Variants in FSTL4 observed in about 807,000 individuals in gnomAD.
FSTL4 encodes follistatin-related protein 4.
FSTL4 carries 28 observed loss-of-function variants against 78.2 expected under a neutral mutation model. The observed-to-expected ratio is 0.36, with a 90% CI of 0.27 to 0.49. The LOEUF is 0.49. Ranked by LOEUF, FSTL4 falls within the 20% of genes least tolerant of loss-of-function variation. The probability of loss-of-function intolerance (pLI) is 0.98; values close to 1 mark genes in which losing one functional copy is unlikely to be tolerated. For missense variants in FSTL4, 922 were observed against 1,084.9 expected (o/e 0.85, Z 2.11); for synonymous variants, 422 against 440.5 (o/e 0.96, Z 0.53).
intron 6 of FSTL4, among the ~76,000 whole-genome samples, chr5:133,283,454 A>G (rs1753056479): frequency 6.6e-6 from 1 of 152,228 alleles, no homozygotes; most frequent in African/African-American, 2.4e-5. Flanking sequence ...GGAGTCTATT[A>G]CATGGTCCAG....
chr5:133,681,823 G>A, the FSTL4 span, among the ~76,000 whole-genome samples: 15 of 152,100 alleles, frequency 9.9e-5, no homozygotes, highest in Non-Finnish European at 7.3e-5. Flanking sequence ...CTCGTCCTTG[G>A]GTCCCTCTTG....
intron 4 of FSTL4, among the ~76,000 whole-genome samples, chr5:133,389,395 CAT>C (rs1755785031): frequency 6.6e-6 from 1 of 152,186 alleles, no homozygotes; most frequent in Non-Finnish European, 1.5e-5. Flanking sequence ...AACCAGCATT[CAT>C]GGCTAAACAG....
chr5:133,512,801 A>T (rs1252786672), intron 3 of FSTL4, among the ~76,000 whole-genome samples: 2 of 150,550 alleles, frequency 1.3e-5, no homozygotes, highest in Non-Finnish European at 3.0e-5. Flanking sequence ...GGTGATGCCC[A>T]GAGACTGGAT....
At chr5:133,223,849 A>G (rs1207165289) in intron 11 of FSTL4, among the ~76,000 whole-genome samples, 1 of 152,170 alleles carries the variant, frequency 6.6e-6, no homozygotes, top group Non-Finnish European at 1.5e-5. Flanking sequence ...GTCTTTTTAA[A>G]ACCACACAAG....
chr5:133,510,661 A>G (rs1304959491), intron 3 of FSTL4, among the ~76,000 whole-genome samples: 1 of 152,132 alleles, frequency 6.6e-6, no homozygotes, highest in Non-Finnish European at 1.5e-5. Context: ...GGGGAAAACA[A>G]AACATTTTAA....
chr5:133,572,784 A>C (rs558127698), intron 2 of FSTL4, among the ~76,000 whole-genome samples: 5 of 152,322 alleles, frequency 3.3e-5, no homozygotes, highest in South Asian at 4.2e-4. Flanking sequence ...GTACTGTCCC[A>C]AAAATGGCAA....
At chr5:133,398,932 G>T (rs1330286150) in intron 4 of FSTL4, among the ~76,000 whole-genome samples, 1 of 152,166 alleles carries the variant, frequency 6.6e-6, no homozygotes, top group African/African-American at 2.4e-5. Flanking sequence ...AGGATTCGGT[G>T]GATAAATTCA....
Position 133,225,595 on chromosome 5 carries a change from C to T in FSTL4, c.1177+63G>A, listed in dbSNP as rs1451211508. The T allele has an allele frequency of 8.6e-6, 12 of 1,397,066 alleles. No homozygotes were observed. The highest frequency in any genetic ancestry group is 1.9e-4 in the Middle Eastern group (1 of 5,362). 86.5% of individuals were successfully genotyped at this position (1,397,066 alleles called of 1,614,324 possible). On this transcript the variant is annotated intron_variant, in intron 9 of 15. Transcript: ENST00000265342. This position sits in a 1 kb window ranked among gnomAD's most constrained non-coding sequence, Gnocchi z 4.6. ...CAAATTATACCTCTCGTTTCCATTC[C>T]TGGAGTCTCAGCTTGATTTGAATGG... is the stretch of plus-strand genomic sequence containing the variant.
At chr5:133,800,734 G>A in the FSTL4 span, among the ~76,000 whole-genome samples, 1 of 91,016 alleles carries the variant, frequency 1.1e-5, no homozygotes, top group African/African-American at 3.9e-5. Flanking sequence ...TTACTCGAAT[G>A]CTTCACCTCC....
At chr5:133,423,775 C>T (rs942577018) in intron 3 of FSTL4, among the ~76,000 whole-genome samples, 2 of 152,152 alleles carry the variant, frequency 1.3e-5, no homozygotes, top group Non-Finnish European at 2.9e-5. Context: ...ACAAATGACT[C>T]ATGACTGAGG....
At chr5:133,695,846 T>G in the FSTL4 span, among the ~76,000 whole-genome samples, 4 of 152,136 alleles carry the variant, frequency 2.6e-5, no homozygotes, top group Middle Eastern at 3.2e-3. Flanking sequence ...AAGATGTGAG[T>G]GACCTCCATG....
chr5:133,818,954 C>T, the FSTL4 span, among the ~76,000 whole-genome samples: 209 of 14,266 alleles, frequency 0.015, 1 homozygote, highest in Middle Eastern at 0.05. Context: ...TATGTACACA[C>T]ACACACACGT....
the FSTL4 span, among the ~76,000 whole-genome samples, chr5:133,653,346 G>A: frequency 6.6e-6 from 1 of 152,170 alleles, no homozygotes. Flanking sequence ...ACTTTCTGAG[G>A]TGAAGTACAA....
intron 6 of FSTL4, among the ~76,000 whole-genome samples, chr5:133,287,201 A>G (rs186143560): frequency 6.6e-6 from 1 of 152,038 alleles, no homozygotes; most frequent in East Asian, 1.9e-4. Flanking sequence ...ATCCTGGCTA[A>G]CATGGTGAAA....
At chr5:133,654,435 T>C in the FSTL4 span, among the ~76,000 whole-genome samples, 18 of 152,312 alleles carry the variant, frequency 1.2e-4, no homozygotes, top group Non-Finnish European at 2.1e-4. Context: ...GTCCATGTTC[T>C]TAACCCCCAC....
At chr5:133,312,861 G>A in intron 5 of FSTL4, 84 bp from the exon 6 acceptor site, 3 of 1,397,516 alleles carry the variant, frequency 2.1e-6, no homozygotes, top group East Asian at 2.3e-5. Flanking sequence ...GGCCAAGAGG[G>A]AATCCAGGGA....
At chr5:133,288,316 C>G (rs1753183226) in intron 6 of FSTL4, among the ~76,000 whole-genome samples, 1 of 152,182 alleles carries the variant, frequency 6.6e-6, no homozygotes, top group Admixed American at 6.5e-5. Context: ...GTAGAGGCCC[C>G]TCTGTCCCGG....
At chr5:133,690,493 T>C in the FSTL4 span, among the ~76,000 whole-genome samples, 2 of 152,154 alleles carry the variant, frequency 1.3e-5, no homozygotes, top group African/African-American at 4.8e-5. Flanking sequence ...TGGCAGATTA[T>C]AGTTATTGAA....
chr5:133,346,504 A>T (rs1168326037), intron 4 of FSTL4, among the ~76,000 whole-genome samples: 1 of 152,204 alleles, frequency 6.6e-6, no homozygotes, highest in Non-Finnish European at 1.5e-5. Flanking sequence ...ATGATTCCTG[A>T]TCCTTTGTTG....
Sources: allele counts gnomAD v4.1 joint callset (sites outside exome capture counted in the v4.1 genomes callset), GRCh38; gene constraint gnomAD v4.1.1; non-coding constraint Gnocchi (gnomAD v3.1); transcripts MANE v1.5; gene names NCBI Gene and HGNC (gene_info 2026-07-23, HGNC 2026-07-21).